The following ADAMTS2 variants were observed in gnomAD, a reference collection of about 807,000 sequenced individuals.
The protein encoded by ADAMTS2 is A disintegrin and metalloproteinase with thrombospondin motifs 2.
In ADAMTS2, 50 loss-of-function variants were observed where a neutral mutation model predicts 123.0. The ratio of observed to expected loss-of-function variants is 0.41; its 90% CI spans 0.32 to 0.51. The LOEUF is 0.51. ADAMTS2 is among the 20% of genes least tolerant of loss of function. The pLI is 0.35. For missense variants in ADAMTS2, 1,494 were observed against 1,705.2 expected (o/e 0.88, Z 2.18); for synonymous variants, 678 against 695.4 (o/e 0.98, Z 0.39).
At chr5:179,232,826 T>C (rs1765439430) in intron 3 of ADAMTS2, among the ~76,000 whole-genome samples, 1 of 152,156 alleles carries the variant, frequency 6.6e-6, no homozygotes, top group Admixed American at 6.5e-5. Context: ...CCCATGTTTG[T>C]ATACATTCTT....
chr5:179,280,488 C>T (rs370657062), intron 2 of ADAMTS2, among the ~76,000 whole-genome samples: 8 of 152,298 alleles, frequency 5.3e-5, no homozygotes, highest in South Asian at 2.1e-4. Flanking sequence ...AAAGAAACCC[C>T]GCACACGTTG....
At chr5:179,274,093 C>G (rs1000817115) in intron 2 of ADAMTS2, among the ~76,000 whole-genome samples, 2 of 151,708 alleles carry the variant, frequency 1.3e-5, no homozygotes, top group Non-Finnish European at 2.9e-5. Flanking sequence ...CTGCCCTCCC[C>G]TGCCATCCAG....
chr5:179,238,383 C>A (rs1765580790), intron 3 of ADAMTS2, among the ~76,000 whole-genome samples: 1 of 152,066 alleles, frequency 6.6e-6, no homozygotes, highest in African/African-American at 2.4e-5. Flanking sequence ...TGTGGAGCGG[C>A]CACGCTAGCA....
At chr5:179,193,576 A>G (rs1283843282) in intron 4 of ADAMTS2, among the ~76,000 whole-genome samples, 3 of 152,162 alleles carry the variant, frequency 2.0e-5, no homozygotes, top group Admixed American at 2.0e-4. Context: ...AGGCATAAGG[A>G]CACCCAGCCA....
intron 2 of ADAMTS2, among the ~76,000 whole-genome samples, chr5:179,280,382 C>T (rs1766857770): frequency 6.6e-6 from 1 of 152,164 alleles, no homozygotes; most frequent in Non-Finnish European, 1.5e-5. Flanking sequence ...GCCAGTCCTG[C>T]CCCCTTGCAG....
chr5:179,149,717 AG>A (rs1332645481), intron 10 of ADAMTS2, among the ~76,000 whole-genome samples: 1 of 152,218 alleles, frequency 6.6e-6, no homozygotes, highest in African/African-American at 2.4e-5. Context: ...GGAAACATAC[AG>A]ACCCACATTC....
chr5:179,219,070 T>G (rs1364025345), intron 3 of ADAMTS2, among the ~76,000 whole-genome samples: 1 of 152,138 alleles, frequency 6.6e-6, no homozygotes, highest in Non-Finnish European at 1.5e-5. Context: ...CCAATCCCAC[T>G]GCACCCCAGC....
chr5:179,119,382 T>G (rs1258304496), intron 21 of ADAMTS2, among the ~76,000 whole-genome samples: 1 of 152,210 alleles, frequency 6.6e-6, no homozygotes, highest in Non-Finnish European at 1.5e-5. Context: ...TTCTTTCTCA[T>G]GGCCTTCCAC....
intron 3 of ADAMTS2, among the ~76,000 whole-genome samples, chr5:179,269,036 T>G (rs1218527981): frequency 6.6e-6 from 1 of 152,140 alleles, no homozygotes; most frequent in Non-Finnish European, 1.5e-5. Flanking sequence ...ATTACTCGGG[T>G]GAGTCCTAAA....
chr5:179,157,041 G>A (rs2113260320), intron 6 of ADAMTS2, among the ~76,000 whole-genome samples: 1 of 140,550 alleles, frequency 7.1e-6, no homozygotes, highest in South Asian at 2.2e-4. Flanking sequence ...TCGGCTCACT[G>A]CAACCTCTGC....
chr5:179,181,877 C>T lies in ADAMTS2; in HGVS notation c.892-722G>A, dbSNP rs535359295. Among the ~76,000 whole-genome samples the T allele has an allele frequency of 8.3e-4, 126 of 152,272 alleles. No individual in the cohort carries two copies. Among genetic ancestry groups the T allele is most frequent in the African/African-American group, 2.9e-3 (122 of 41,546 alleles). On this transcript the variant is annotated intron_variant, in intron 4 of 21. Coordinates refer to ENST00000251582, the MANE Select transcript of ADAMTS2 (RefSeq NM_014244.5). This position sits in a 1 kb window ranked among gnomAD's most constrained non-coding sequence, Gnocchi z 4.1. ...GCACAAAAACAGGGGGGTGAACTCC[C>T]CTTCTACAGAACACAGCCAGCAAGA...
intron 10 of ADAMTS2, among the ~76,000 whole-genome samples, chr5:179,144,277 A>G (rs2113230780): frequency 6.6e-6 from 1 of 152,374 alleles, no homozygotes; most frequent in South Asian, 2.1e-4. Context: ...CATTGAAAGA[A>G]GTTCAAGTTC....
chr5:179,344,033 C>T lies in ADAMTS2; in HGVS notation c.268G>A (p.Ala90Thr), dbSNP rs776393146. The change falls in exon 2 of 22, where the codon GCC (alanine) becomes ACC (threonine). Residue 90 changes from alanine (A) to threonine (T), a missense_variant. This residue lies in a region of ADAMTS2 where 237 missense variants were observed against 233.7 expected (regional missense o/e 1.01). Coordinates refer to ENST00000251582, the MANE Select transcript of ADAMTS2 (RefSeq NM_014244.5). ...SRAGVRARRA[A>T]PVRTPSFPGG... is the part of the protein sequence containing the mutation. ...GGGAAGCTCGGGGTCCGGACCGGGG[C>T]GGCCCTGCGGGCTCGTACCCCTGCT... 61 of 1,612,534 alleles carry T rather than the reference C, an allele frequency of 3.8e-5. No homozygotes were observed. The East Asian group carries it at 1.3e-3, about 35-fold the overall frequency.
rs1765694225 is a variant in ADAMTS2, at chr5:179,242,655, CA to C, written c.688+30255del. ...CAGCAAGAATCGGTGGCACCTGAGC[CA>C]TCACTTGCTCTCTCTTCCCCGCTTC... On this transcript the variant is annotated intron_variant, in intron 3 of 21. Coordinates refer to ENST00000251582, the MANE Select transcript of ADAMTS2 (RefSeq NM_014244.5). The surrounding 1 kb of genome is among the most constrained non-coding windows in gnomAD (Gnocchi z 4.2). Among the ~76,000 whole-genome samples the C allele has an allele frequency of 6.6e-6, 1 of 152,208 alleles. No homozygotes were observed. Among genetic ancestry groups the C allele is most frequent in the South Asian group, 2.1e-4 (1 of 4,832 alleles).
At position 179,158,383 on chromosome 5, in the gene ADAMTS2, C is replaced by G. The variant is rs773391153; in HGVS notation, c.1132+340G>C. On this transcript the variant is annotated intron_variant, in intron 6 of 21. Transcript: ENST00000251582. This position sits in a 1 kb window ranked among gnomAD's most constrained non-coding sequence, Gnocchi z 5.0. ...AGACCTAAAATCCATGTGAGATGCT[C>G]TCTGTCTATAGAGTGAGTGGAGGTG... Among the ~76,000 whole-genome samples the G allele has an allele frequency of 6.6e-6, 1 of 152,196 alleles. No individual in the cohort carries two copies. The highest frequency in any genetic ancestry group is 1.5e-5 in the Non-Finnish European group (1 of 68,040).
intron 5 of ADAMTS2, among the ~76,000 whole-genome samples, chr5:179,163,117 G>A (rs771418917): frequency 2.6e-5 from 4 of 152,162 alleles, no homozygotes; most frequent in Non-Finnish European, 4.4e-5. Flanking sequence ...GAGGCAGGCT[G>A]GGGGTGTGCA....
chr5:179,119,151 CT>C (rs1762711007), intron 21 of ADAMTS2, among the ~76,000 whole-genome samples: 1 of 152,242 alleles, frequency 6.6e-6, no homozygotes, highest in Non-Finnish European at 1.5e-5. Context: ...TGACCCATCT[CT>C]GGGAAGAGAG....
chr5:179,296,253 A>G (rs975922234), intron 2 of ADAMTS2, among the ~76,000 whole-genome samples: 3 of 152,022 alleles, frequency 2.0e-5, no homozygotes, highest in African/African-American at 7.2e-5. Flanking sequence ...TGTGCTTCTG[A>G]GAATGCTGAC....
At position 179,238,054 on chromosome 5, in the gene ADAMTS2, T is replaced by C. The variant is rs564908160; in HGVS notation, c.689-30339A>G. Among the ~76,000 whole-genome samples, 4 of 152,346 alleles carry C rather than the reference T, an allele frequency of 2.6e-5. No individual in the cohort carries two copies. In the South Asian group the frequency reaches 8.3e-4, roughly 32 times the overall value. On this transcript the variant is annotated intron_variant, in intron 3 of 21. Transcript: ENST00000251582. ...ACAATAAACACACACCGAAGCCATG[T>C]TCTTGGAGAGACTTTGGGGAGGCTG...
Sources: gnomAD v4.1 joint callset for allele counts (sites outside exome capture counted in the v4.1 genomes callset) on GRCh38, gnomAD v4.1.1 for gene constraint, gnomAD v4.1.1 regional missense constraint, Gnocchi (gnomAD v3.1) non-coding constraint, MANE v1.5 for transcripts, NCBI Gene and HGNC (gene_info 2026-07-23, HGNC 2026-07-21) for gene names.